Variants in SDK1 observed in about 807,000 individuals in gnomAD.
The protein encoded by SDK1 is sidekick cell adhesion molecule 1.
A neutral mutation model predicts 245.5 loss-of-function variants in SDK1; 157 were observed. The ratio of observed to expected loss-of-function variants is 0.64; its 90% CI spans 0.56 to 0.73. SDK1 has a LOEUF of 0.73. Ranked by LOEUF, SDK1 falls within the 30% of genes least tolerant of loss-of-function variation. SDK1 has a pLI of 0.00. For synonymous variants in SDK1, 1,647 were observed against 1,278.5 expected (o/e 1.29, Z -6.15); for missense variants, 3,583 against 3,002.3 (o/e 1.19, Z -4.52).
At chr7:3,513,124 T>C (rs573264319) in intron 1 of SDK1, among the ~76,000 whole-genome samples, 21 of 152,274 alleles carry the variant, frequency 1.4e-4, no homozygotes, top group Non-Finnish European at 3.1e-4. Flanking sequence ...TTAATAAAAA[T>C]ACTAGCAGCT....
intron 1 of SDK1, among the ~76,000 whole-genome samples, chr7:3,491,237 C>T (rs1040218269): frequency 1.3e-5 from 2 of 152,228 alleles, no homozygotes; most frequent in East Asian, 3.9e-4. Context: ...AGGAGCCCAT[C>T]GTTCCTTAAG....
intron 22 of SDK1, among the ~76,000 whole-genome samples, chr7:4,107,909 A>G (rs1343119469): frequency 6.6e-6 from 1 of 152,184 alleles, no homozygotes; most frequent in Admixed American, 6.5e-5. Context: ...GTGACCTTGA[A>G]TGAATCACTC....
chr7:3,332,085 T>C (rs916694613), intron 1 of SDK1, among the ~76,000 whole-genome samples: 2 of 152,236 alleles, frequency 1.3e-5, no homozygotes, highest in African/African-American at 2.4e-5. Context: ...AAAAATACTT[T>C]ATTCAAACTA....
Position 4,051,808 on chromosome 7 carries a change from G to T in SDK1, c.2889G>T (p.Gln963His). ...GGGACGGGCCTCCCAGCACACCTCA[G>T]CTGGTCTGGACTCAGGAAGACAGTG... is the stretch of plus-strand genomic sequence containing the variant. Reference protein sequence around the residue: ...TPGDGPPSTPQLVWTQEDKPG... With the variant: ...TPGDGPPSTPHLVWTQEDKPG... The change falls in exon 19 of 45, where the codon CAG becomes CAT. Residue 963 changes from glutamine (Q) to histidine (H), a missense_variant. Coordinates refer to ENST00000404826, the MANE Select transcript of SDK1 (RefSeq NM_152744.4). 6.2e-7 allele frequency: 1 copy of T among 1,613,138 alleles called. No homozygotes were observed. The highest frequency in any genetic ancestry group is 1.1e-5 in the South Asian group (1 of 90,880).
intron 1 of SDK1, among the ~76,000 whole-genome samples, chr7:3,370,363 A>G (rs1387344693): frequency 6.6e-6 from 1 of 152,230 alleles, no homozygotes; most frequent in African/African-American, 2.4e-5. Context: ...AGAGAAAACA[A>G]TTGCAGTCAG....
At chr7:3,374,807 C>G (rs966038387) in intron 1 of SDK1, among the ~76,000 whole-genome samples, 6 of 151,960 alleles carry the variant, frequency 3.9e-5, no homozygotes, top group African/African-American at 1.5e-4. Context: ...TAAAATTTTT[C>G]AGAATTGATT....
intron 1 of SDK1, among the ~76,000 whole-genome samples, chr7:3,564,231 A>G (rs1275345350): frequency 6.6e-6 from 1 of 152,296 alleles, no homozygotes; most frequent in Admixed American, 6.5e-5. Flanking sequence ...ACAGAATAAT[A>G]ATAATAACAC....
intron 1 of SDK1, among the ~76,000 whole-genome samples, chr7:3,559,597 C>T (rs138932131): frequency 6.6e-6 from 1 of 152,092 alleles, no homozygotes; most frequent in Non-Finnish European, 1.5e-5. Flanking sequence ...CAGTGTCTTG[C>T]AAGAGCTTTC....
At chr7:4,054,579 C>T (rs1779088085) in intron 19 of SDK1, among the ~76,000 whole-genome samples, 1 of 152,214 alleles carries the variant, frequency 6.6e-6, no homozygotes, top group African/African-American at 2.4e-5. Context: ...CACCCACCTT[C>T]CTCCAGCTCT....
intron 4 of SDK1, among the ~76,000 whole-genome samples, chr7:3,672,610 A>G (rs962699477): frequency 8.4e-5 from 12 of 142,038 alleles, no homozygotes; most frequent in Non-Finnish European, 1.5e-4. Flanking sequence ...ATATATTTAT[A>G]TAATATAATA....
chr7:4,148,257 C>A (rs1780119712), intron 29 of SDK1, among the ~76,000 whole-genome samples: 1 of 152,238 alleles, frequency 6.6e-6, no homozygotes, highest in Admixed American at 6.5e-5. Context: ...TGGGGGCCGA[C>A]AATCAATTGC....
At chr7:3,611,529 G>T (rs186081939) in intron 1 of SDK1, among the ~76,000 whole-genome samples, 1 of 152,010 alleles carries the variant, frequency 6.6e-6, no homozygotes, top group African/African-American at 2.4e-5. Flanking sequence ...TCTCTTTTTC[G>T]TGTAATGCCT....
intron 1 of SDK1, among the ~76,000 whole-genome samples, chr7:3,388,155 C>T (rs1307257344): frequency 6.6e-6 from 1 of 152,108 alleles, no homozygotes; most frequent in Admixed American, 6.5e-5. Flanking sequence ...AGTAGCTTCT[C>T]TAGTCTTCAG....
intron 30 of SDK1, among the ~76,000 whole-genome samples, chr7:4,154,089 C>A (rs898562063): frequency 6.6e-5 from 10 of 152,138 alleles, no homozygotes; most frequent in Non-Finnish European, 8.8e-5. Context: ...TATAATAGAA[C>A]CAAAATGAAG....
In SDK1 at chr7:4,035,910, A is replaced by G. The variant is rs190589559; in HGVS notation, c.2603-13438A>G. ...AATTTACAAATCCATAATAATAATAATAACTGCAATGGACTGAAATGCTTC... is the reference window on the plus strand; with the variant it reads ...AATTTACAAATCCATAATAATAATAGTAACTGCAATGGACTGAAATGCTTC... On this transcript the variant is annotated intron_variant, in intron 17 of 44. Transcript: ENST00000404826. Among the ~76,000 whole-genome samples, 304 of 152,322 alleles carry G rather than the reference A, an allele frequency of 2.0e-3. 6 individuals are homozygous for G. The South Asian group carries it at 0.029, about 15-fold the overall frequency.
At chr7:3,947,919 G>A (rs1477832537) in intron 5 of SDK1, among the ~76,000 whole-genome samples, 5 of 152,092 alleles carry the variant, frequency 3.3e-5, no homozygotes, top group African/African-American at 1.2e-4. Context: ...AGGGGAGATT[G>A]CCTTAGGGAG....
chr7:3,587,300 CGTGTGTGT>C (rs10523052), intron 1 of SDK1, among the ~76,000 whole-genome samples: 2 of 149,050 alleles, frequency 1.3e-5, no homozygotes, highest in African/African-American at 4.9e-5. Flanking sequence ...AGAAACAGAA[CGTGTGTGT>C]GTGTGTGTGT....
intron 1 of SDK1, among the ~76,000 whole-genome samples, chr7:3,311,727 C>T (rs1332489133): frequency 6.6e-6 from 1 of 152,160 alleles, no homozygotes; most frequent in Non-Finnish European, 1.5e-5. Context: ...CTCCCTTCAC[C>T]ACCCTGCTAT....
chr7:3,683,692 G>A (rs1428867979), intron 4 of SDK1, among the ~76,000 whole-genome samples: 1 of 152,212 alleles, frequency 6.6e-6, no homozygotes, highest in Admixed American at 6.5e-5. Flanking sequence ...CAGCTGCCTG[G>A]GGACCTTGGG....
Sources: gnomAD v4.1 joint callset for allele counts (sites outside exome capture counted in the v4.1 genomes callset) on GRCh38, gnomAD v4.1.1 for gene constraint, MANE v1.5 for transcripts, NCBI Gene and HGNC (gene_info 2026-07-23, HGNC 2026-07-21) for gene names.